The following TRIM24 variants were observed in gnomAD, a reference collection of about 807,000 sequenced individuals.
TRIM24 encodes the protein transcription intermediary factor 1-alpha.
A neutral mutation model predicts 123.9 loss-of-function variants in TRIM24; 29 were observed. The observed-to-expected ratio is 0.23, with a 90% CI of 0.17 to 0.32. TRIM24 has a LOEUF of 0.32. Ranked by LOEUF, TRIM24 falls within the 10% of genes least tolerant of loss-of-function variation. The pLI, the probability that TRIM24 is intolerant of heterozygous loss-of-function variation, is 1.00. For synonymous variants in TRIM24, 456 were observed against 461.1 expected (o/e 0.99, Z 0.14); for missense variants, 932 against 1,295.3 (o/e 0.72, Z 4.31).
At chr7:138,550,454 A>T (rs957402443) in intron 7 of TRIM24, among the ~76,000 whole-genome samples, 6 of 152,130 alleles carry the variant, frequency 3.9e-5, no homozygotes, top group Non-Finnish European at 1.5e-5. Flanking sequence ...CCACAGGACT[A>T]ATGTTGGAGA....
intron 1 of TRIM24, among the ~76,000 whole-genome samples, chr7:138,463,519 AC>A (rs1314291818): frequency 6.6e-6 from 1 of 152,148 alleles, no homozygotes; most frequent in Non-Finnish European, 1.5e-5. Flanking sequence ...GGTGTGAGCC[AC>A]CCCACCCGTC....
At chr7:138,489,632 T>A (rs1333187111) in intron 1 of TRIM24, among the ~76,000 whole-genome samples, 1 of 152,186 alleles carries the variant, frequency 6.6e-6, no homozygotes, top group Non-Finnish European at 1.5e-5. Flanking sequence ...GGATGTGAAA[T>A]TCTGGGTTGA....
intron 1 of TRIM24, among the ~76,000 whole-genome samples, chr7:138,496,156 G>A (rs1795901471): frequency 6.6e-6 from 1 of 152,076 alleles, no homozygotes; most frequent in Non-Finnish European, 1.5e-5. Flanking sequence ...ATTTTAATTG[G>A]GATTGCATTG....
Position 138,525,292 on chromosome 7 carries a change from A to G in TRIM24, c.816A>G (p.Thr272=). The change falls in exon 5 of 19, where the codon ACA becomes ACG. Residue 272 remains threonine, a synonymous_variant. Coordinates refer to ENST00000343526, the MANE Select transcript of TRIM24 (RefSeq NM_015905.3). ...AFQNQKVIID[T]LITKLMEKTK... ...AGAATCAGAAAGTGATCATAGATAC[A>G]CTAATCACCAAACTGATGGAAAAAA... 2 of 1,521,772 alleles carry G rather than the reference A, an allele frequency of 1.3e-6. No individual in the cohort carries two copies. The highest frequency in any genetic ancestry group is 1.4e-5 in the South Asian group (1 of 72,864). The allele number at this position is 1,521,772 out of a possible 1,614,324, so 94.3% of individuals were successfully genotyped here.
intron 13 of TRIM24, among the ~76,000 whole-genome samples, chr7:138,576,862 C>T (rs1358267709): frequency 6.6e-6 from 1 of 152,196 alleles, no homozygotes; most frequent in Non-Finnish European, 1.5e-5. Flanking sequence ...AGCAACTGCT[C>T]TCCTCTTCCC....
chr7:138,472,818 G>A (rs142407072), intron 1 of TRIM24, among the ~76,000 whole-genome samples: 1 of 152,252 alleles, frequency 6.6e-6, no homozygotes, highest in Non-Finnish European at 1.5e-5. Flanking sequence ...TGAACTAAAT[G>A]TCAGCTGAAC....
Position 138,554,757 on chromosome 7 carries a change from G to T in TRIM24, c.1321G>T (p.Val441Leu), listed in dbSNP as rs181769844. 3 of 1,614,102 alleles carry T rather than the reference G, an allele frequency of 1.9e-6. No homozygotes were observed. The highest frequency in any genetic ancestry group is 2.5e-6 in the Non-Finnish European group (3 of 1,179,956). Residue 441 changes from valine to leucine, a missense_variant, in exon 9 of 19, where the codon GTG becomes TTG. By Grantham distance (32) the Val-to-Leu change is conservative. Transcript: ENST00000343526. The surrounding 1 kb of genome is among the most constrained non-coding windows in gnomAD (Gnocchi z 4.5). ...ACAAATGCCTAAGCAGAATCCTGTCGTGGAACAGAATTCACAGCCACCAAG... is the reference window on the plus strand; with the variant it reads ...ACAAATGCCTAAGCAGAATCCTGTCTTGGAACAGAATTCACAGCCACCAAG... ...QPQMPKQNPVVEQNSQPPSGL... is the reference protein window; with the variant it reads ...QPQMPKQNPVLEQNSQPPSGL...
chr7:138,550,817 T>A (rs1309377416), intron 7 of TRIM24, among the ~76,000 whole-genome samples: 1 of 152,112 alleles, frequency 6.6e-6, no homozygotes, highest in African/African-American at 2.4e-5. Flanking sequence ...TTCTGCAGAG[T>A]TTTATTAATA....
At chr7:138,562,359 A>G (rs1370746914) in intron 9 of TRIM24, among the ~76,000 whole-genome samples, 1 of 152,156 alleles carries the variant, frequency 6.6e-6, no homozygotes, top group African/African-American at 2.4e-5. Context: ...GGTCTAGGCA[A>G]GTAAACCAGG....
intron 7 of TRIM24, among the ~76,000 whole-genome samples, chr7:138,540,973 G>A (rs914630966): frequency 2.0e-5 from 3 of 152,098 alleles, no homozygotes; most frequent in African/African-American, 4.8e-5. Flanking sequence ...CAATAGCTGG[G>A]ACTGTAGGCA....
chr7:138,544,285 A>G (rs1443838677), intron 7 of TRIM24, among the ~76,000 whole-genome samples: 2 of 152,188 alleles, frequency 1.3e-5, no homozygotes, highest in Non-Finnish European at 2.9e-5. Context: ...TCATTTCTGG[A>G]TCTGGCTTAT....
intron 1 of TRIM24, among the ~76,000 whole-genome samples, chr7:138,487,929 C>T (rs1311562053): frequency 3.9e-5 from 6 of 152,172 alleles, no homozygotes; most frequent in African/African-American, 1.4e-4. Context: ...GTACCAGCTC[C>T]TCTTTCTACC....
chr7:138,574,453 G>A (rs1290054006), intron 12 of TRIM24, among the ~76,000 whole-genome samples: 3 of 152,164 alleles, frequency 2.0e-5, no homozygotes, highest in Admixed American at 6.5e-5. Flanking sequence ...CAGAGAAACT[G>A]TTTATCATAT....
intron 3 of TRIM24, among the ~76,000 whole-genome samples, chr7:138,518,147 C>T (rs1796437716): frequency 6.6e-6 from 1 of 151,994 alleles, no homozygotes; most frequent in Non-Finnish European, 1.5e-5. Context: ...TCGTGAAATA[C>T]TATACAGTTA....
intron 2 of TRIM24, among the ~76,000 whole-genome samples, chr7:138,512,111 C>A (rs1477986205): frequency 6.6e-6 from 1 of 152,236 alleles, no homozygotes; most frequent in African/African-American, 2.4e-5. Context: ...CCTTTGACTT[C>A]ACATCTGTCA....
intron 9 of TRIM24, among the ~76,000 whole-genome samples, chr7:138,556,650 A>G (rs890620633): frequency 3.3e-5 from 5 of 152,252 alleles, no homozygotes; most frequent in Non-Finnish European, 7.3e-5. Flanking sequence ...AGAATCAGTC[A>G]AGAGGAGACT....
At chr7:138,525,658 A>T (rs971157334) in intron 5 of TRIM24, among the ~76,000 whole-genome samples, 1 of 152,126 alleles carries the variant, frequency 6.6e-6, no homozygotes, top group Non-Finnish European at 1.5e-5. Context: ...CAAATCAACC[A>T]TTTTTTTGCC....
At chr7:138,482,562 T>C (rs1000350081) in intron 1 of TRIM24, among the ~76,000 whole-genome samples, 2 of 152,214 alleles carry the variant, frequency 1.3e-5, no homozygotes, top group Non-Finnish European at 2.9e-5. Flanking sequence ...CTGATCATCA[T>C]GCTTATGAAC....
At chr7:138,472,871 A>C (rs1304268599) in intron 1 of TRIM24, among the ~76,000 whole-genome samples, 1 of 152,232 alleles carries the variant, frequency 6.6e-6, no homozygotes, top group African/African-American at 2.4e-5. Flanking sequence ...AAGCTCTTAA[A>C]AAAATTTTTT....
Sources: gnomAD v4.1 joint callset for allele counts (sites outside exome capture counted in the v4.1 genomes callset) on GRCh38, gnomAD v4.1.1 for gene constraint, Gnocchi (gnomAD v3.1) non-coding constraint, MANE v1.5 for transcripts, NCBI Gene and HGNC (gene_info 2026-07-23, HGNC 2026-07-21) for gene names.